CHLSN: variants seen among roughly 807,000 people sequenced by gnomAD.
The protein encoded by CHLSN is cholesin, also known as protein cholesin.
At chr7:1,041,216 G>GTACCT in the CHLSN span, among the ~76,000 whole-genome samples, 1 of 145,360 alleles carries the variant, frequency 6.9e-6, no homozygotes, top group Non-Finnish European at 1.5e-5. Flanking sequence ...GCAGGGAACG[G>GTACCT]GACCTGGGCT....
the CHLSN span, among the ~76,000 whole-genome samples, chr7:1,070,372 G>A: frequency 9.9e-5 from 12 of 121,244 alleles, no homozygotes; most frequent in East Asian, 4.4e-4. Context: ...TCAGCCCCCC[G>A]CCCGGCCAGC....
the CHLSN span, among the ~76,000 whole-genome samples, chr7:1,106,191 C>G: frequency 6.6e-6 from 1 of 152,226 alleles, no homozygotes; most frequent in Non-Finnish European, 1.5e-5. Context: ...GCCGAGCACT[C>G]AGCTGTCGGG....
At chr7:1,068,539 C>A in the CHLSN span, among the ~76,000 whole-genome samples, 1 of 152,106 alleles carries the variant, frequency 6.6e-6, no homozygotes, top group African/African-American at 2.4e-5. Flanking sequence ...ACACAGTGGT[C>A]CACTTCCAAG....
chr7:1,100,090 T>C, the CHLSN span, among the ~76,000 whole-genome samples: 1 of 152,238 alleles, frequency 6.6e-6, no homozygotes, highest in Non-Finnish European at 1.5e-5. Context: ...GCCTGTGTTC[T>C]GGGTTACATG....
At chr7:1,010,601 C>A in the CHLSN span, among the ~76,000 whole-genome samples, 1 of 152,296 alleles carries the variant, frequency 6.6e-6, no homozygotes, top group East Asian at 1.9e-4. Context: ...TGCTTTCTGG[C>A]AGGTCACTGG....
At chr7:1,100,426 G>A in the CHLSN span, among the ~76,000 whole-genome samples, 5 of 152,280 alleles carry the variant, frequency 3.3e-5, no homozygotes, top group African/African-American at 4.8e-5. Flanking sequence ...CACGCAGGCT[G>A]CACAGACCCG....
chr7:983,475 G>A, the CHLSN span: 1 of 1,270,742 alleles, frequency 7.9e-7, no homozygotes, highest in Non-Finnish European at 1.0e-6. Context: ...GGTTTCCACT[G>A]CCTGTTCCCA....
At chr7:1,012,775 G>C in the CHLSN span, among the ~76,000 whole-genome samples, 1 of 152,040 alleles carries the variant, frequency 6.6e-6, no homozygotes, top group Admixed American at 6.5e-5. Context: ...AGGGGCCTTG[G>C]GGGTGCCCGG....
At chr7:1,023,443 C>T in the CHLSN span, among the ~76,000 whole-genome samples, 2 of 152,120 alleles carry the variant, frequency 1.3e-5, no homozygotes, top group African/African-American at 4.8e-5. This position sits in a 1 kb window ranked among gnomAD's most constrained non-coding sequence, Gnocchi z 5.0. Context: ...AGCCCCAGCG[C>T]CCCTCTGACA....
chr7:1,006,206 A>C, the CHLSN span, among the ~76,000 whole-genome samples: 1 of 152,230 alleles, frequency 6.6e-6, no homozygotes, highest in Non-Finnish European at 1.5e-5. Flanking sequence ...ATGCAAGGCC[A>C]GAGCAACACG....
the CHLSN span, among the ~76,000 whole-genome samples, chr7:1,070,306 TG>T: frequency 3.2e-5 from 4 of 126,208 alleles, no homozygotes; most frequent in Non-Finnish European, 5.2e-5. Flanking sequence ...GGGAGGGAGG[TG>T]GGGGGTCAGC....
the CHLSN span, among the ~76,000 whole-genome samples, chr7:1,042,550 G>A: frequency 1.3e-5 from 2 of 152,194 alleles, no homozygotes; most frequent in Admixed American, 6.5e-5. Context: ...TCCCTCTGAC[G>A]ATCTCCCCAG....
At chr7:1,013,134 T>C in the CHLSN span, among the ~76,000 whole-genome samples, 1 of 152,180 alleles carries the variant, frequency 6.6e-6, no homozygotes, top group Non-Finnish European at 1.5e-5. Flanking sequence ...GCCTGCACAG[T>C]GTCTGGCCCG....
the CHLSN span, among the ~76,000 whole-genome samples, chr7:1,008,246 C>T: frequency 6.6e-6 from 1 of 152,226 alleles, no homozygotes; most frequent in Non-Finnish European, 1.5e-5. Context: ...CCAGCCCACA[C>T]CTTGCCCACA....
At chr7:1,138,143 G>A in the CHLSN span, 1 of 151,648 alleles carries the variant, frequency 6.6e-6, no homozygotes, top group South Asian at 2.0e-4. Flanking sequence ...TGGGTCTCCT[G>A]GCGCCCTGAC....
the CHLSN span, among the ~76,000 whole-genome samples, chr7:1,083,647 CA>C: frequency 6.7e-6 from 1 of 148,816 alleles, no homozygotes; most frequent in African/African-American, 2.5e-5. Flanking sequence ...ACAAAAAAAA[CA>C]AAAAAAAACA....
chr7:1,063,869 G>A, the CHLSN span, among the ~76,000 whole-genome samples: 1 of 152,158 alleles, frequency 6.6e-6, no homozygotes, highest in Non-Finnish European at 1.5e-5. Context: ...TACCTGTGCT[G>A]TTCTCTTTCC....
the CHLSN span, among the ~76,000 whole-genome samples, chr7:1,068,236 C>T: frequency 6.0e-3 from 912 of 152,250 alleles, 13 homozygotes; most frequent in African/African-American, 0.021. Flanking sequence ...CCCCAGTTTC[C>T]CCTCGTGGTG....
chr7:1,030,588 C>T, the CHLSN span, among the ~76,000 whole-genome samples: 18 of 152,344 alleles, frequency 1.2e-4, no homozygotes, highest in African/African-American at 4.3e-4. Flanking sequence ...ATACCAGCTG[C>T]TATGCCTTCC....
Sources: gnomAD v4.1 joint callset for allele counts (sites outside exome capture counted in the v4.1 genomes callset) on GRCh38, gnomAD v4.1.1 for gene constraint, Gnocchi (gnomAD v3.1) non-coding constraint, MANE v1.5 for transcripts, NCBI Gene and HGNC (gene_info 2026-07-23, HGNC 2026-07-21) for gene names.